The following CSMD1 variants were observed in gnomAD, a reference collection of about 807,000 sequenced individuals.
CSMD1 encodes the protein CUB and sushi domain-containing protein 1.
CSMD1 carries 213 observed loss-of-function variants against 417.5 expected under a neutral mutation model. The ratio of observed to expected loss-of-function variants is 0.51; its 90% confidence interval spans 0.46 to 0.57. CSMD1 has a LOEUF of 0.57. CSMD1 is among the 20% of genes least tolerant of loss of function. The pLI is 0.00. For missense variants in CSMD1, 6,923 were observed against 4,529.7 expected, an observed-to-expected ratio of 1.53 and a Z score of -15.17; for synonymous variants, 2,862 against 1,736.8, an observed-to-expected ratio of 1.65 and a Z score of -16.11.
intron 2 of CSMD1, among the ~76,000 whole-genome samples, chr8:4,552,774 TG>T (rs748892938): frequency 9.2e-5 from 14 of 152,118 alleles, no homozygotes; most frequent in Non-Finnish European, 1.6e-4. Context: ...CTCAGAAGGG[TG>T]GTAAAGTGCT....
At chr8:4,003,840 G>C (rs1380869594) in intron 4 of CSMD1, among the ~76,000 whole-genome samples, 1 of 97,248 alleles carries the variant, frequency 1.0e-5, no homozygotes, top group Non-Finnish European at 2.3e-5. Context: ...AGGTCATTAT[G>C]TGAACTATTT....
At position 3,219,416 on chromosome 8, in the gene CSMD1, A is replaced by T. The variant is rs763003984; in HGVS notation, c.4511T>A (p.Phe1504Tyr). 1.3e-6 allele frequency: 2 copies of T among 1,532,146 alleles called. No individual in the cohort carries two copies. Among genetic ancestry groups the T allele is most frequent in the Admixed American group, 4.4e-5 (2 of 45,536 alleles). The allele number at this position is 1,532,146 out of a possible 1,614,324, so 94.9% of individuals were successfully genotyped here. Residue 1504 changes from phenylalanine (F) to tyrosine (Y), a missense_variant, in exon 29 of 70, where the codon TTC (phenylalanine) becomes TAC (tyrosine). By Grantham distance (22) the Phe-to-Tyr change is conservative (BLOSUM62 3). Transcript: ENST00000635120. ...KSFNMEPSYD[F>Y]LHIYEGEDSN... The stretch of plus-strand genomic sequence containing the variant: ...ATCTTCCCCTTCATAGATGTGTAGG[A>T]AGTCATAGCTGGGCTCCATGTTGAA...
chr8:3,743,298 G>A (rs1199868833), intron 6 of CSMD1, among the ~76,000 whole-genome samples: 1 of 152,316 alleles, frequency 6.6e-6, no homozygotes, highest in Non-Finnish European at 1.5e-5. Context: ...TGCCTCTCTG[G>A]AGATGGCTTT....
intron 3 of CSMD1, among the ~76,000 whole-genome samples, chr8:4,150,825 G>C (rs190098639): frequency 6.6e-6 from 1 of 152,006 alleles, no homozygotes; most frequent in African/African-American, 2.4e-5. Context: ...AGAAGACAGG[G>C]AGGGACAGAA....
intron 1 of CSMD1, among the ~76,000 whole-genome samples, chr8:4,872,227 G>A (rs968203918): frequency 5.9e-5 from 9 of 152,168 alleles, no homozygotes; most frequent in African/African-American, 7.2e-5. Flanking sequence ...GAGTTGGGAC[G>A]ACAATATTTA....
chr8:4,970,256 G>T (rs1044463304), intron 1 of CSMD1, among the ~76,000 whole-genome samples: 1 of 152,082 alleles, frequency 6.6e-6, no homozygotes, highest in South Asian at 2.1e-4. Context: ...TAAGTTGTGA[G>T]TCTCTTTGAT....
chr8:4,266,528 T>C lies in CSMD1; in HGVS notation c.415+153425A>G, dbSNP rs1432905755. 1.9e-5 allele frequency among the ~76,000 whole-genome samples: 2 copies of C among 104,874 alleles called. 1 individual carries two copies. Among genetic ancestry groups the C allele is most frequent in the African/African-American group, 5.2e-5 (2 of 38,416 alleles). 68.8% of individuals were successfully genotyped at this position (104,874 alleles called of 152,430 possible). A position where few individuals can be genotyped will look rare whatever the true frequency, so the allele number is the denominator to read the frequency against. ...CTAAATTTTAAAAAGTAGAACAATT[T>C]CATACTCATGCCTCATATCCTTCCT... is the stretch of plus-strand genomic sequence containing the variant. On this transcript the variant is annotated intron_variant, in intron 3 of 69. Transcript: ENST00000635120.
chr8:4,123,705 A>C (rs748532110), intron 3 of CSMD1, among the ~76,000 whole-genome samples: 1 of 152,214 alleles, frequency 6.6e-6, no homozygotes, highest in Non-Finnish European at 1.5e-5. Context: ...GTTTTATCAC[A>C]TTTGGAAGAA....
intron 23 of CSMD1, among the ~76,000 whole-genome samples, chr8:3,331,762 T>C (rs1019432353): frequency 1.1e-4 from 16 of 152,370 alleles, no homozygotes; most frequent in Admixed American, 9.1e-4. Flanking sequence ...CAGGGCTTCA[T>C]GCCAGATCTT....
At chr8:3,062,657 G>C (rs1260441413) in intron 49 of CSMD1, among the ~76,000 whole-genome samples, 2 of 151,000 alleles carry the variant, frequency 1.3e-5, no homozygotes, top group African/African-American at 4.9e-5. Flanking sequence ...AAAATATCTA[G>C]CACTTCATAA....
intron 65 of CSMD1, among the ~76,000 whole-genome samples, chr8:2,952,194 T>G (rs1802683526): frequency 6.6e-6 from 1 of 152,232 alleles, no homozygotes; most frequent in South Asian, 2.1e-4. Flanking sequence ...ATGAATTATT[T>G]AATTAGATAA....
chr8:3,916,146 G>A (rs893460163), intron 5 of CSMD1, among the ~76,000 whole-genome samples: 15 of 152,048 alleles, frequency 9.9e-5, no homozygotes, highest in African/African-American at 2.9e-4. Flanking sequence ...GAAAAAAAAT[G>A]CTAAATGCTC....
chr8:4,307,134 C>A (rs1268771298), intron 3 of CSMD1, among the ~76,000 whole-genome samples: 1 of 152,140 alleles, frequency 6.6e-6, no homozygotes, highest in Non-Finnish European at 1.5e-5. Context: ...TGTCTCTGTA[C>A]TGAGTTCCCA....
At chr8:3,748,097 G>T (rs549985382) in intron 6 of CSMD1, among the ~76,000 whole-genome samples, 2 of 152,102 alleles carry the variant, frequency 1.3e-5, no homozygotes, top group African/African-American at 2.4e-5. Flanking sequence ...AGAGTCAGTC[G>T]CTTGGAACCC....
chr8:3,723,233 C>T (rs1022611422), intron 6 of CSMD1, among the ~76,000 whole-genome samples: 1 of 152,110 alleles, frequency 6.6e-6, no homozygotes, highest in Non-Finnish European at 1.5e-5. Context: ...GCCTTGTGAC[C>T]CATCCATCAA....
At chr8:4,904,573 ACACATATAGTGAATATCATTAAG>A (rs1388286723) in intron 1 of CSMD1, among the ~76,000 whole-genome samples, 4 of 152,110 alleles carry the variant, frequency 2.6e-5, no homozygotes, top group Admixed American at 1.3e-4. Flanking sequence ...ATATCATTAA[ACACATATAGTGAATATCATTAAG>A]CACATATATG....
At chr8:3,452,446 T>A (rs1423671538) in intron 12 of CSMD1, among the ~76,000 whole-genome samples, 4 of 152,210 alleles carry the variant, frequency 2.6e-5, no homozygotes, top group African/African-American at 9.7e-5. Flanking sequence ...TGATATTGGC[T>A]GTGGGTTTGT....
At chr8:3,752,475 C>G (rs931021699) in intron 6 of CSMD1, among the ~76,000 whole-genome samples, 3 of 151,682 alleles carry the variant, frequency 2.0e-5, no homozygotes, top group Non-Finnish European at 2.9e-5. Flanking sequence ...GCCAACATGG[C>G]GAAACCCCAT....
At chr8:4,110,659 T>G (rs1182019441) in intron 3 of CSMD1, among the ~76,000 whole-genome samples, 1 of 152,140 alleles carries the variant, frequency 6.6e-6, no homozygotes, top group Non-Finnish European at 1.5e-5. Context: ...CATGTGTGTG[T>G]TTCTATAAAG....
Sources: allele counts gnomAD v4.1 joint callset (sites outside exome capture counted in the v4.1 genomes callset), GRCh38; gene constraint gnomAD v4.1.1; transcripts MANE v1.5; gene names NCBI Gene and HGNC (gene_info 2026-07-23, HGNC 2026-07-21).